FAIM2: variants seen among roughly 807,000 people sequenced by gnomAD.
FAIM2 encodes the protein Fas apoptotic inhibitory molecule 2, also known as protein lifeguard 2.
A neutral mutation model predicts 47.4 loss-of-function variants in FAIM2; 27 were observed. That is an observed-to-expected ratio of 0.57 (90% CI 0.42 to 0.78). The LOEUF (loss-of-function observed/expected upper bound fraction) is 0.78. Ranked by LOEUF, FAIM2 falls within the 30% of genes least tolerant of loss-of-function variation. The pLI is 0.00. For missense variants in FAIM2, 311 were observed against 389.4 expected (o/e 0.80, Z 1.69); for synonymous variants, 156 against 159.3 (o/e 0.98, Z 0.16).
At position 49,903,861 on chromosome 12, in the gene FAIM2, G is replaced by A. The variant is rs938899507; in HGVS notation, c.-69C>T. Reference sequence around the variant, plus strand: ...GCTTGGGTAACCGCAGCCTGCCTGCGTCTCTTCCTTCCTCCGCGTGGGTTC... The same window carrying A: ...GCTTGGGTAACCGCAGCCTGCCTGCATCTCTTCCTTCCTCCGCGTGGGTTC... On this transcript the variant is annotated 5_prime_UTR_variant, in exon 1 of 12. The change creates a new upstream start codon in the 5' untranslated region. Transcript: ENST00000320634. 3 of 1,451,446 alleles carry A rather than the reference G, an allele frequency of 2.1e-6. No homozygotes were observed. Among genetic ancestry groups the A allele is most frequent in the Non-Finnish European group, 2.8e-6 (3 of 1,084,470 alleles). The allele number at this position is 1,451,446 out of a possible 1,614,324, so 89.9% of individuals were successfully genotyped here. A position where few individuals can be genotyped will look rare whatever the true frequency, so the allele number is the denominator to read the frequency against.
At chr12:49,873,105 G>A (rs558396376) in intron 11 of FAIM2, among the ~76,000 whole-genome samples, 4 of 152,220 alleles carry the variant, frequency 2.6e-5, no homozygotes, top group African/African-American at 9.6e-5. Context: ...GGCCAGGGCT[G>A]AGAGGAGCCC....
rs1321479552 is a variant in FAIM2, at chr12:49,866,907, A to C, written c.*3597T>G. ...ACGAGGGAAACAACTCAGGTGTCAC[A>C]ATTGCTTTTATTTTTATCTCCAGTC... On this transcript the variant is annotated 3_prime_UTR_variant, in exon 12 of 12. Transcript: ENST00000320634. 1 of 152,284 alleles carries C rather than the reference A, an allele frequency of 6.6e-6. No homozygotes were observed. The highest frequency in any genetic ancestry group is 1.9e-4 in the East Asian group (1 of 5,186). The allele number at this position is 152,284 out of a possible 1,614,324, so 9.4% of individuals were successfully genotyped here.
At chr12:49,870,901 C>T (rs561525335) in intron 11 of FAIM2, among the ~76,000 whole-genome samples, 2 of 152,348 alleles carry the variant, frequency 1.3e-5, no homozygotes, top group South Asian at 2.1e-4. Context: ...TCCCTGTCCT[C>T]ACAGAGCTTA....
intron 2 of FAIM2, 40 bp from the exon 3 acceptor site, chr12:49,898,130 C>G (rs1255686428): frequency 6.7e-7 from 1 of 1,488,774 alleles, no homozygotes; most frequent in Admixed American, 1.7e-5. Context: ...AGGGTTCCCC[C>G]TACATAGAAT....
chr12:49,875,556 T>C (rs1365516425), intron 11 of FAIM2, among the ~76,000 whole-genome samples: 1 of 152,048 alleles, frequency 6.6e-6, no homozygotes, highest in Non-Finnish European at 1.5e-5. Context: ...CAGACAACAT[T>C]TGCACCCCCA....
At chr12:49,876,330 G>A (rs181652963) in intron 11 of FAIM2, among the ~76,000 whole-genome samples, 80 of 152,284 alleles carry the variant, frequency 5.3e-4, no homozygotes, top group Admixed American at 2.8e-3. Flanking sequence ...TACATAACTC[G>A]GTGAGTCCAC....
intron 11 of FAIM2, among the ~76,000 whole-genome samples, chr12:49,886,025 A>G (rs1385346982): frequency 2.0e-5 from 3 of 151,996 alleles, no homozygotes; most frequent in Non-Finnish European, 4.4e-5. Context: ...CAGCCCCCTC[A>G]GCCTGTCGCC....
intron 11 of FAIM2, among the ~76,000 whole-genome samples, chr12:49,876,767 AT>A (rs967953038): frequency 3.9e-5 from 6 of 152,028 alleles, no homozygotes; most frequent in African/African-American, 1.4e-4. Context: ...GCGAGACTCC[AT>A]TTAAAAAAAA....
At chr12:49,891,234 G>T in intron 5 of FAIM2, 120 bp from the exon 6 acceptor site, 1 of 903,026 alleles carries the variant, frequency 1.1e-6, no homozygotes, top group Non-Finnish European at 1.8e-6. Flanking sequence ...GGGACAGGAT[G>T]GGGAGGCCAC....
At chr12:49,891,676 AG>A (rs763480434) in intron 5 of FAIM2, among the ~76,000 whole-genome samples, 1 of 152,044 alleles carries the variant, frequency 6.6e-6, no homozygotes, top group Non-Finnish European at 1.5e-5. Context: ...TGATCTTGTT[AG>A]TTACTTTACT....
intron 1 of FAIM2, 85 bp from the exon 2 acceptor site, chr12:49,901,410 G>A (rs1946981646): frequency 1.8e-6 from 2 of 1,103,034 alleles, no homozygotes; most frequent in Non-Finnish European, 2.5e-6. Context: ...TTCAATTCCT[G>A]GAACTTTCAT....
intron 11 of FAIM2, among the ~76,000 whole-genome samples, chr12:49,875,837 G>A (rs566889647): frequency 2.0e-5 from 3 of 152,202 alleles, no homozygotes; most frequent in South Asian, 2.1e-4. Context: ...TTAGCCAGGC[G>A]TGGTGGTGGG....
intron 11 of FAIM2, among the ~76,000 whole-genome samples, chr12:49,875,854 T>C (rs949227109): frequency 6.6e-6 from 1 of 151,984 alleles, no homozygotes; most frequent in African/African-American, 2.4e-5. Flanking sequence ...TGGGCACCTG[T>C]AATCCCAGCT....
At chr12:49,880,741 TGC>T (rs1491013337) in intron 11 of FAIM2, among the ~76,000 whole-genome samples, 4 of 151,956 alleles carry the variant, frequency 2.6e-5, no homozygotes, top group Admixed American at 1.3e-4. Flanking sequence ...TGTGTATGTG[TGC>T]ATGTGTGTGT....
At position 49,867,598 on chromosome 12, in the gene FAIM2, T is replaced by G. The variant is rs1175512510; in HGVS notation, c.*2906A>C. 6.6e-6 allele frequency: 1 copy of G among 152,174 alleles called. No homozygotes were observed. The highest frequency in any genetic ancestry group is 1.5e-5 in the Non-Finnish European group (1 of 68,096). 9.4% of individuals were successfully genotyped at this position (152,174 alleles called of 1,614,324 possible). On this transcript the variant is annotated 3_prime_UTR_variant, in exon 12 of 12. Coordinates refer to ENST00000320634, the MANE Select transcript of FAIM2 (RefSeq NM_012306.4). Reference sequence around the variant, plus strand: ...GGACTTCAGTGGGAGACCCCTCAACTCACATTCCGGACAGTCAGATTCCTG... The same window carrying G: ...GGACTTCAGTGGGAGACCCCTCAACGCACATTCCGGACAGTCAGATTCCTG...
chr12:49,894,203 C>G (rs1407084035), intron 5 of FAIM2, among the ~76,000 whole-genome samples: 2 of 152,224 alleles, frequency 1.3e-5, no homozygotes, highest in Non-Finnish European at 2.9e-5. Context: ...TGAGACAGCA[C>G]AGTTCAAGCA....
At chr12:49,876,810 G>T (rs1268528442) in intron 11 of FAIM2, among the ~76,000 whole-genome samples, 1 of 151,976 alleles carries the variant, frequency 6.6e-6, no homozygotes, top group Non-Finnish European at 1.5e-5. Context: ...ATTGAGAATT[G>T]CCATGTGCCA....
intron 11 of FAIM2, among the ~76,000 whole-genome samples, chr12:49,885,441 C>T (rs566893203): frequency 6.6e-6 from 1 of 152,214 alleles, no homozygotes; most frequent in South Asian, 2.1e-4. Flanking sequence ...TGTGGCCCTC[C>T]TCTTTCTCTC....
At chr12:49,887,285 A>T in intron 11 of FAIM2, 101 bp downstream of exon 11, 1 of 1,091,952 alleles carries the variant, frequency 9.2e-7, no homozygotes, top group Non-Finnish European at 1.4e-6. Flanking sequence ...GCTCCCGAGG[A>T]TCCAGGGAAG....
Sources: allele counts gnomAD v4.1 joint callset (sites outside exome capture counted in the v4.1 genomes callset), GRCh38; gene constraint gnomAD v4.1.1; transcripts MANE v1.5; gene names NCBI Gene and HGNC (gene_info 2026-07-23, HGNC 2026-07-21).